ZC3H11A: variants seen among roughly 807,000 people sequenced by gnomAD.
ZC3H11A encodes zinc finger CCCH-type containing 11A, also known as zinc finger CCCH domain-containing protein 11A.
In ZC3H11A, 22 loss-of-function variants were observed where a neutral mutation model predicts 90.8. The ratio of observed to expected loss-of-function variants is 0.24; its 90% CI spans 0.17 to 0.35. The LOEUF is 0.35. Among genes scored for constraint, ZC3H11A ranks in the 10% least tolerant of loss-of-function variants. The pLI is 1.00. For missense variants in ZC3H11A, 701 were observed against 964.9 expected (o/e 0.73, Z 3.62); for synonymous variants, 294 against 339.8 (o/e 0.87, Z 1.48).
At chr1:203,797,705 A>G (rs766054767) in intron 1 of ZC3H11A, 1 of 1,534,930 alleles carries the variant, frequency 6.5e-7, no homozygotes, top group South Asian at 1.2e-5. Context: ...AGCCTGCTAA[A>G]AAGAAAAGAA....
intron 4 of ZC3H11A, among the ~76,000 whole-genome samples, chr1:203,820,394 C>T (rs1190581564): frequency 1.3e-5 from 2 of 151,814 alleles, no homozygotes; most frequent in South Asian, 2.1e-4. Context: ...GAATGTTCTT[C>T]AATTTGGGTT....
chr1:203,852,229 C>G lies in ZC3H11A; in HGVS notation c.2263C>G (p.Arg755Gly). ...CTCATCCCAAATGAGCATGAAAACT[C>G]GCCGACTCAGCTCTGCCTCAACAGG... Reference protein sequence around the residue: ...PSSSQMSMKTRRLSSASTGKP... With the variant: ...PSSSQMSMKTGRLSSASTGKP... Residue 755 changes from arginine to glycine, a missense_variant, in exon 18 of 18, where the codon CGC (arginine) becomes GGC (glycine). Arg to Gly is a moderately radical substitution (Grantham distance 125). Transcript: ENST00000367210. The G allele has an allele frequency of 6.2e-7, 1 of 1,613,538 alleles. No individual in the cohort carries two copies. Among genetic ancestry groups the G allele is most frequent in the South Asian group, 1.1e-5 (1 of 91,064 alleles).
In ZC3H11A at chr1:203,853,969, T is replaced by G. The variant is rs979523861; in HGVS notation, c.*1570T>G. 9 of 152,682 alleles carry G rather than the reference T, an allele frequency of 5.9e-5. No homozygotes were observed. Among genetic ancestry groups the G allele is most frequent in the Admixed American group, 5.2e-4 (8 of 15,282 alleles). 9.5% of individuals were successfully genotyped at this position (152,682 alleles called of 1,614,324 possible). On this transcript the variant is annotated 3_prime_UTR_variant, in exon 18 of 18. Coordinates refer to ENST00000367210, the MANE Select transcript of ZC3H11A (RefSeq NM_001376342.1). Reference sequence around the variant, plus strand: ...AGATTCCAGGTCCCTTTTGTATATATTCTTTATTCTTTTGCTTTTTTAAAA... The same window carrying G: ...AGATTCCAGGTCCCTTTTGTATATAGTCTTTATTCTTTTGCTTTTTTAAAA...
At chr1:203,820,493 GTT>G (rs751296620) in intron 4 of ZC3H11A, among the ~76,000 whole-genome samples, 3 of 103,804 alleles carry the variant, frequency 2.9e-5, no homozygotes, top group Non-Finnish European at 4.5e-5. Context: ...TATATTTTGA[GTT>G]GAGACAGAGT....
At chr1:203,798,745 G>A in intron 1 of ZC3H11A, 1 of 1,536,156 alleles carries the variant, frequency 6.5e-7, no homozygotes, top group Middle Eastern at 1.7e-4. Flanking sequence ...CCAGTCTCAA[G>A]TCACATAAGT....
chr1:203,831,543 C>G, intron 8 of ZC3H11A, 118 bp from the exon 9 acceptor site: 1 of 774,988 alleles, frequency 1.3e-6, no homozygotes, highest in Non-Finnish European at 2.2e-6. Context: ...GGCTGATTGG[C>G]TTATAGTCAT....
intron 12 of ZC3H11A, among the ~76,000 whole-genome samples, chr1:203,842,440 A>G (rs539080101): frequency 1.3e-5 from 2 of 152,190 alleles, no homozygotes; most frequent in South Asian, 2.1e-4. Context: ...CCACCAAAAC[A>G]TGCAAACACC....
chr1:203,806,535 T>G (rs936226223), intron 2 of ZC3H11A, among the ~76,000 whole-genome samples: 1 of 152,210 alleles, frequency 6.6e-6, no homozygotes, highest in Non-Finnish European at 1.5e-5. Flanking sequence ...GCTCCTGGAC[T>G]CAAGTGATCA....
intron 5 of ZC3H11A, among the ~76,000 whole-genome samples, chr1:203,828,959 C>A (rs1681412208): frequency 6.6e-6 from 1 of 152,154 alleles, no homozygotes; most frequent in Admixed American, 6.5e-5. Context: ...TCCCAAAGTT[C>A]ATTTTAAAGT....
chr1:203,832,597 A>G (rs1682760997), intron 9 of ZC3H11A, among the ~76,000 whole-genome samples: 1 of 151,810 alleles, frequency 6.6e-6, no homozygotes, highest in South Asian at 2.1e-4. Context: ...CTGGCCTCAA[A>G]TCATCTGCCT....
At chr1:203,807,889 G>A (rs1333945219) in intron 2 of ZC3H11A, among the ~76,000 whole-genome samples, 1 of 151,922 alleles carries the variant, frequency 6.6e-6, no homozygotes, top group African/African-American at 2.4e-5. Flanking sequence ...GTAAAGACAT[G>A]TGCCACCATA....
intron 10 of ZC3H11A, among the ~76,000 whole-genome samples, chr1:203,834,673 A>T (rs1683651534): frequency 1.3e-5 from 2 of 152,004 alleles, no homozygotes; most frequent in Non-Finnish European, 2.9e-5. Flanking sequence ...ATTTGAAACG[A>T]GAGTCTTGCT....
intron 1 of ZC3H11A, chr1:203,800,539 T>A: frequency 7.5e-7 from 1 of 1,339,876 alleles, no homozygotes; most frequent in African/African-American, 1.5e-5. Context: ...TTAAATATAA[T>A]CATTATCTTT....
chr1:203,845,997 C>G (rs1687783817), intron 12 of ZC3H11A, among the ~76,000 whole-genome samples: 1 of 151,170 alleles, frequency 6.6e-6, no homozygotes, highest in African/African-American at 2.4e-5. Context: ...AGATTTCAGA[C>G]TGGGTATGGT....
chr1:203,822,941 G>T (rs1679261269), intron 4 of ZC3H11A, among the ~76,000 whole-genome samples: 1 of 152,162 alleles, frequency 6.6e-6, no homozygotes, highest in African/African-American at 2.4e-5. Flanking sequence ...TCATGTGCCT[G>T]GGGTCAGCTA....
intron 15 of ZC3H11A, 59 bp from the exon 16 acceptor site, chr1:203,850,456 A>G (rs1476905593): frequency 6.3e-7 from 1 of 1,587,566 alleles, no homozygotes; most frequent in African/African-American, 1.3e-5. Context: ...ATTCTGAATT[A>G]TTCCCCATTT....
intron 2 of ZC3H11A, chr1:203,805,952 C>G: frequency 3.2e-6 from 2 of 625,786 alleles, no homozygotes; most frequent in Non-Finnish European, 6.1e-6. Context: ...TTCATAGCAT[C>G]AACCGTGGTC....
intron 9 of ZC3H11A, among the ~76,000 whole-genome samples, chr1:203,832,136 G>A (rs1361659271): frequency 1.3e-5 from 2 of 152,224 alleles, no homozygotes; most frequent in Non-Finnish European, 1.5e-5. Context: ...TCAGCTCACC[G>A]CAGCCTCCGT....
In ZC3H11A at chr1:203,845,590, C is replaced by T. The variant is rs141209529; in HGVS notation, c.1043-1594C>T. ...TTCAGTTGAAACTAACCAGGCCTGG[C>T]GTGGTGGCTCACGCCTGTAATCCCA... On this transcript the variant is annotated intron_variant, in intron 12 of 17. Coordinates refer to ENST00000367210, the MANE Select transcript of ZC3H11A (RefSeq NM_001376342.1). Among the ~76,000 whole-genome samples, 544 of 152,260 alleles carry T rather than the reference C, an allele frequency of 3.6e-3. 2 individuals carry two copies. The highest frequency in any genetic ancestry group is 0.031 in the Middle Eastern group (9 of 294).
Sources: allele counts gnomAD v4.1 joint callset (sites outside exome capture counted in the v4.1 genomes callset), GRCh38; gene constraint gnomAD v4.1.1; transcripts MANE v1.5; gene names NCBI Gene and HGNC (gene_info 2026-07-23, HGNC 2026-07-21).